Variants in RNF213 observed in about 807,000 individuals in gnomAD.
RNF213 encodes ring finger protein 213, also known as E3 ubiquitin-protein ligase RNF213.
Under a neutral mutation model 514.4 loss-of-function variants are expected in RNF213, and 341 were observed. The observed-to-expected ratio is 0.66, with a 90% CI of 0.61 to 0.73. The LOEUF is 0.73. Ranked by LOEUF, RNF213 falls within the 30% of genes least tolerant of loss-of-function variation. The pLI is 0.00. For synonymous variants in RNF213, 2,655 were observed against 2,658.2 expected (o/e 1.00, Z 0.04); for missense variants, 5,767 against 6,615.6 (o/e 0.87, Z 4.45).
In RNF213 at chr17:80,347,515, C is replaced by T. The variant is rs748738296; in HGVS notation, c.9180C>T (p.Phe3060=). The part of the protein sequence containing the change: ...VALQILQQTF[F]EGDQQPEIIF... ...TGCAGATCCTGCAGCAGACATTCTT[C>T]GAGGGGGACCAGCAGCCGGAGATTA... is the stretch of plus-strand genomic sequence containing the variant. Residue 3060 remains phenylalanine, a synonymous_variant, in exon 29 of 68, where the codon TTC becomes TTT. Coordinates refer to ENST00000582970, the MANE Select transcript of RNF213 (RefSeq NM_001256071.3). The surrounding 1 kb of genome is among the most constrained non-coding windows in gnomAD (Gnocchi z 7.2). 6.8e-6 allele frequency: 11 copies of T among 1,613,972 alleles called. No individual in the cohort carries two copies. Among genetic ancestry groups the T allele is most frequent in the Middle Eastern group, 1.6e-4 (1 of 6,084 alleles).
Position 80,353,065 on chromosome 17 carries a change from T to C in RNF213, c.10423+6T>C. On this transcript the variant is annotated splice_donor_region_variant and intron_variant, in intron 33 of 67. Coordinates refer to ENST00000582970, the MANE Select transcript of RNF213 (RefSeq NM_001256071.3). The surrounding 1 kb of genome is among the most constrained non-coding windows in gnomAD (Gnocchi z 5.0). ...GCCCGGAGACTTGCCTGAGCGTGAG[T>C]CACGAGGCGGAGCCCCTGGGGGAGC... The C allele has an allele frequency of 6.2e-7, 1 of 1,611,280 alleles. No individual in the cohort carries two copies. Among genetic ancestry groups the C allele is most frequent in the Non-Finnish European group, 8.5e-7 (1 of 1,180,012 alleles).
chr17:80,381,687 G>A lies in RNF213; in HGVS notation c.13938G>A (p.Leu4646=), dbSNP rs754997775. Residue 4646 remains leucine, a synonymous_variant, in exon 57 of 68, where the codon CTG becomes CTA. Transcript: ENST00000582970. Reference sequence around the variant, plus strand: ...CCATCGGCGTGGTCCACCTCGTCCTGCGCAGGCTTCTCCAAGAGCAGCACC... The same window carrying A: ...CCATCGGCGTGGTCCACCTCGTCCTACGCAGGCTTCTCCAAGAGCAGCACC... The part of the protein sequence containing the change: ...DETIGVVHLV[L]RRLLQEQHQL... 6 of 1,614,030 alleles carry A rather than the reference G, an allele frequency of 3.7e-6. No homozygotes were observed. Among genetic ancestry groups the A allele is most frequent in the Non-Finnish European group, 5.1e-6 (6 of 1,180,030 alleles).
chr17:80,262,399 G>A (rs545843989), intron 1 of RNF213, among the ~76,000 whole-genome samples: 45 of 152,304 alleles, frequency 3.0e-4, no homozygotes, highest in Admixed American at 5.2e-4. Flanking sequence ...ATGGCATTGG[G>A]ACAGGGGCTT....
intron 11 of RNF213, chr17:80,298,719 C>G (rs745896294): frequency 1.2e-4 from 71 of 587,588 alleles, no homozygotes; most frequent in Non-Finnish European, 2.1e-4. Flanking sequence ...AATCCCAGCA[C>G]TTTGGGAGGC....
chr17:80,289,086 C>A (rs2044583707), intron 5 of RNF213, among the ~76,000 whole-genome samples: 1 of 152,154 alleles, frequency 6.6e-6, no homozygotes, highest in Non-Finnish European at 1.5e-5. Context: ...TGTGCAGAGG[C>A]CCTGGGGCAG....
intron 46 of RNF213, among the ~76,000 whole-genome samples, chr17:80,370,325 T>C (rs1599158238): frequency 6.6e-6 from 1 of 152,252 alleles, no homozygotes; most frequent in South Asian, 2.1e-4. Context: ...GTATCACCTG[T>C]GGTACTTGTA....
rs556177903 is a variant in RNF213, at chr17:80,375,995, CTTG to C, written c.13185+128_13185+130del. The C allele has an allele frequency of 1.4e-4, 118 of 823,186 alleles. No homozygotes were observed. In the African/African-American group the frequency reaches 1.9e-3, roughly 13 times the overall value. 51.0% of individuals were successfully genotyped at this position (823,186 alleles called of 1,614,324 possible). On this transcript the variant is annotated intron_variant, in intron 51 of 67. Coordinates refer to ENST00000582970, the MANE Select transcript of RNF213 (RefSeq NM_001256071.3). ...TTTATCTAGGATAGAGGTTCTCAAC[CTTG>C]TTATGTGGAGGAACACATAACCAAG...
chr17:80,285,928 G>C (rs1329771499), intron 3 of RNF213, among the ~76,000 whole-genome samples: 2 of 152,002 alleles, frequency 1.3e-5, no homozygotes, highest in Non-Finnish European at 2.9e-5. Context: ...CGCCTGCCTC[G>C]GCCTCCCAAA....
At chr17:80,356,949 C>G (rs1001940219) in intron 36 of RNF213, among the ~76,000 whole-genome samples, 4 of 148,914 alleles carry the variant, frequency 2.7e-5, no homozygotes, top group African/African-American at 9.9e-5. Flanking sequence ...GACAGAGTCT[C>G]ACTCTCGTCC....
At chr17:80,364,873 A>T (rs1568138544) in intron 42 of RNF213, 1 of 372,670 alleles carries the variant, frequency 2.7e-6, no homozygotes, top group Admixed American at 3.8e-5. Context: ...GAGTGACCCC[A>T]GAACAGACCA....
chr17:80,358,401 C>A lies in RNF213; in HGVS notation c.10976C>A (p.Pro3659His). Reference protein sequence around the residue: ...LELLTRPDTPPWARDLWMFIF... With the variant: ...LELLTRPDTPHWARDLWMFIF... ...TTACTGACCAGGCCAGATACTCCGCCCTGGGCAAGAGATCTTTGGATGTTT... is the reference window on the plus strand; with the variant it reads ...TTACTGACCAGGCCAGATACTCCGCACTGGGCAAGAGATCTTTGGATGTTT... The change falls in exon 37 of 68, where the codon CCC (proline) becomes CAC (histidine). Residue 3659 changes from proline to histidine, a missense_variant. Physicochemically the swap from Pro to His is moderately conservative, Grantham distance 77 (BLOSUM62 -2). Around this residue, in one of 13 missense-constraint regions of RNF213, gnomAD observed 919 missense variants for 1,121.0 expected, o/e 0.82. Transcript: ENST00000582970. 1.2e-6 allele frequency: 2 copies of A among 1,614,092 alleles called. No homozygotes were observed. Among genetic ancestry groups the A allele is most frequent in the Non-Finnish European group, 8.5e-7 (1 of 1,179,964 alleles).
Position 80,393,846 on chromosome 17 carries a change from C to G in RNF213, c.*348C>G. On this transcript the variant is annotated 3_prime_UTR_variant, in exon 68 of 68. Coordinates refer to ENST00000582970, the MANE Select transcript of RNF213 (RefSeq NM_001256071.3). The stretch of plus-strand genomic sequence containing the variant: ...CACGCAGTAATGACCTGTGCCCGTT[C>G]GCCTCTGGCACTGCCCACCCCTCTT... The G allele has an allele frequency of 3.7e-6, 1 of 273,578 alleles. No individual in the cohort carries two copies. Among genetic ancestry groups the G allele is most frequent in the Admixed American group, 4.9e-5 (1 of 20,468 alleles). 16.9% of individuals were successfully genotyped at this position (273,578 alleles called of 1,614,324 possible). A position where few individuals can be genotyped will look rare whatever the true frequency, so the allele number is the denominator to read the frequency against.
At chr17:80,296,557 C>T (rs2044957069) in intron 10 of RNF213, among the ~76,000 whole-genome samples, 1 of 152,116 alleles carries the variant, frequency 6.6e-6, no homozygotes, top group Non-Finnish European at 1.5e-5. Flanking sequence ...TGACTTGGTA[C>T]CTGCTCAGAC....
chr17:80,290,788 G>A lies in RNF213; in HGVS notation c.1271+60G>A, dbSNP rs1477458518. 3.8e-6 allele frequency: 6 copies of A among 1,585,240 alleles called. No homozygotes were observed. The African/African-American group carries it at 8.1e-5, about 21-fold the overall frequency. On this transcript the variant is annotated intron_variant, in intron 7 of 67. Coordinates refer to ENST00000582970, the MANE Select transcript of RNF213 (RefSeq NM_001256071.3). ...AGGGAAGGCATAGGATGCCCAGCCT[G>A]TGACACGTAGTTTAAAAAAATTTTG...
At chr17:80,283,323 G>A (rs1357705683) in intron 3 of RNF213, among the ~76,000 whole-genome samples, 1 of 152,142 alleles carries the variant, frequency 6.6e-6, no homozygotes, top group East Asian at 1.9e-4. Flanking sequence ...CTGCTCCGAG[G>A]TGTCAGCCCT....
Position 80,346,664 on chromosome 17 carries a change from C to G in RNF213, c.8329C>G (p.Leu2777Val), listed in dbSNP as rs1396931904. 6.2e-7 allele frequency: 1 copy of G among 1,611,732 alleles called. No homozygotes were observed. Among genetic ancestry groups the G allele is most frequent in the East Asian group, 2.2e-5 (1 of 44,870 alleles). ...LVGKPGSSKS[L>V]AKTIVADAMQ... ...GGGGAAGCCCGGCAGCTCCAAGTCTCTCGCCAAGACCATCGTGGCAGACGC... is the reference window on the plus strand; with the variant it reads ...GGGGAAGCCCGGCAGCTCCAAGTCTGTCGCCAAGACCATCGTGGCAGACGC... Residue 2777 changes from leucine (L) to valine (V), a missense_variant, in exon 29 of 68, where the codon CTC becomes GTC. By Grantham distance (32) the Leu-to-Val change is conservative. Around this residue, in one of 13 missense-constraint regions of RNF213, gnomAD observed 105 missense variants for 183.9 expected, o/e 0.57. Coordinates refer to ENST00000582970, the MANE Select transcript of RNF213 (RefSeq NM_001256071.3). The surrounding 1 kb of genome is among the most constrained non-coding windows in gnomAD (Gnocchi z 8.1).
At chr17:80,326,225 C>T (rs570119761) in intron 18 of RNF213, among the ~76,000 whole-genome samples, 165 of 152,108 alleles carry the variant, frequency 1.1e-3, no homozygotes, top group Non-Finnish European at 2.0e-3. Flanking sequence ...CCCGGGCTCA[C>T]GTGATCCTCC....
At position 80,313,100 on chromosome 17, in the gene RNF213, G is replaced by A. The variant is rs201762188; in HGVS notation, c.2744G>A (p.Arg915Gln). ...CTTGCTGCTACGAAAAGGTGGCTCCGAGAAGTTTTTACAAAGAACATGCTC... is the reference window on the plus strand; with the variant it reads ...CTTGCTGCTACGAAAAGGTGGCTCCAAGAAGTTTTTACAAAGAACATGCTC... ...GTLAATKRWL[R>Q]EVFTKNMLTS... is the part of the protein sequence containing the mutation. Residue 915 changes from arginine (R) to glutamine (Q), a missense_variant, in exon 15 of 68, where the codon CGA (arginine) becomes CAA (glutamine). By Grantham distance (43) the Arg-to-Gln change is conservative. This residue lies in a region of RNF213 where 592 missense variants were observed against 673.9 expected (regional missense o/e 0.88). Coordinates refer to ENST00000582970, the MANE Select transcript of RNF213 (RefSeq NM_001256071.3). The A allele has an allele frequency of 3.6e-5, 58 of 1,614,122 alleles. No individual in the cohort carries two copies. Among genetic ancestry groups the A allele is most frequent in the Admixed American group, 5.0e-5 (3 of 60,026 alleles).
rs139013218 is a variant in RNF213 at position 80,299,359 on chromosome 17, A to C, written c.2210+841A>C. Among the ~76,000 whole-genome samples, 1,443 of 152,262 alleles carry C rather than the reference A, an allele frequency of 9.5e-3. 86 individuals carry two copies. The highest frequency in any genetic ancestry group is 0.085 in the Admixed American group (1,305 of 15,280). ...CTTTCTCTGTCCCATAACTTCATTG[A>C]GATAGATTCCTACAAGTGGAACTGC... On this transcript the variant is annotated intron_variant, in intron 11 of 67. Transcript: ENST00000582970.
Sources: allele counts gnomAD v4.1 joint callset (sites outside exome capture counted in the v4.1 genomes callset), GRCh38; gene constraint gnomAD v4.1.1; regional missense constraint gnomAD v4.1.1; non-coding constraint Gnocchi (gnomAD v3.1); transcripts MANE v1.5; gene names NCBI Gene and HGNC (gene_info 2026-07-23, HGNC 2026-07-21).